The following NGEF variants were observed in gnomAD, a reference collection of about 807,000 sequenced individuals.
NGEF encodes the protein ephexin-1.
Under a neutral mutation model 80.9 loss-of-function variants are expected in NGEF, and 31 were observed. The ratio of observed to expected loss-of-function variants is 0.38; its 90% CI spans 0.29 to 0.52. NGEF has a LOEUF of 0.52. Among genes scored for constraint, NGEF ranks in the 20% least tolerant of loss-of-function variants. NGEF has a pLI of 0.84. For missense variants in NGEF, 709 were observed against 926.2 expected (o/e 0.77, Z 3.04); for synonymous variants, 371 against 370.2 (o/e 1.00, Z -0.03).
chr2:232,909,864 G>A (rs914182737), intron 5 of NGEF, among the ~76,000 whole-genome samples: 6 of 152,234 alleles, frequency 3.9e-5, no homozygotes, highest in South Asian at 2.1e-4. Context: ...GAAATGGAAC[G>A]ACACAGTATG....
At chr2:232,994,446 G>A (rs573713704) in intron 1 of NGEF, among the ~76,000 whole-genome samples, 139 of 151,952 alleles carry the variant, frequency 9.1e-4, no homozygotes, top group African/African-American at 2.7e-3. Flanking sequence ...TAACAGTTGG[G>A]GAAAAATGTC....
Position 232,992,988 on chromosome 2 carries a change from A to AAT in NGEF, c.-74-18025_-74-18024insAT, listed in dbSNP as rs1694680079. 9.9e-5 allele frequency among the ~76,000 whole-genome samples: 9 copies of AAT among 90,938 alleles called. No homozygotes were observed. The South Asian group carries it at 2.3e-3, about 23-fold the overall frequency. The allele number at this position is 90,938 out of a possible 152,430, so 59.7% of individuals were successfully genotyped here. ...GGTGATAGAGCGAGACCCTGCCTGA[A>AAT]GTATATATATATATATACACACACA... On this transcript the variant is annotated intron_variant, in intron 1 of 14. Coordinates refer to ENST00000264051, the MANE Select transcript of NGEF (RefSeq NM_019850.3).
intron 5 of NGEF, among the ~76,000 whole-genome samples, chr2:232,907,321 G>A (rs1283754226): frequency 1.3e-5 from 2 of 151,920 alleles, no homozygotes; most frequent in East Asian, 1.9e-4. Flanking sequence ...AATTCAGCAC[G>A]ACCTGCTGCT....
At chr2:232,950,426 T>C (rs1045364596) in intron 3 of NGEF, among the ~76,000 whole-genome samples, 2 of 152,240 alleles carry the variant, frequency 1.3e-5, no homozygotes, top group Non-Finnish European at 2.9e-5. Flanking sequence ...TGATAGGTGC[T>C]GAGTGTGGCA....
intron 7 of NGEF, 49 bp from the exon 8 acceptor site, chr2:232,891,536 A>G (rs199887923): frequency 7.6e-5 from 120 of 1,575,764 alleles, no homozygotes; most frequent in Admixed American, 4.1e-4. Context: ...AGGAGGCATG[A>G]ACTGGAGACT....
rs775437768 is a variant in NGEF at position 232,970,254 on chromosome 2, T to G, written c.343A>C (p.Arg115=). The G allele has an allele frequency of 7.5e-6, 12 of 1,603,182 alleles. No homozygotes were observed. In the African/African-American group the frequency reaches 1.6e-4, roughly 22 times the overall value. ...NIPWSRMPPC[R]TAMQTDPGAQ... Reference sequence around the variant, plus strand: ...CCTGGGTCTGTCTGCATTGCTGTTCTGCAAGGAGGCATTCTGCTCCAGGGG... The same window carrying G: ...CCTGGGTCTGTCTGCATTGCTGTTCGGCAAGGAGGCATTCTGCTCCAGGGG... The change falls in exon 3 of 15, where the codon AGA becomes CGA. Residue 115 remains arginine (R), a synonymous_variant. Coordinates refer to ENST00000264051, the MANE Select transcript of NGEF (RefSeq NM_019850.3).
chr2:233,012,069 T>A (rs1279037604), intron 1 of NGEF, among the ~76,000 whole-genome samples: 2 of 150,182 alleles, frequency 1.3e-5, no homozygotes, highest in South Asian at 2.1e-4. Flanking sequence ...GAAGCCTAAA[T>A]GGAAAAAGAG....
rs546378470 is a variant in NGEF at position 232,892,193 on chromosome 2, A to G, written c.1142+705T>C. On this transcript the variant is annotated intron_variant, in intron 7 of 14. Transcript: ENST00000264051. The surrounding 1 kb of genome is among the most constrained non-coding windows in gnomAD (Gnocchi z 4.0). ...CCAATTTTCCTTCACCAACTGTTAAAACATCCAAATGCCCAAAGACTCAGG... is the reference window on the plus strand; with the variant it reads ...CCAATTTTCCTTCACCAACTGTTAAGACATCCAAATGCCCAAAGACTCAGG... Among the ~76,000 whole-genome samples the G allele has an allele frequency of 2.0e-5, 3 of 152,140 alleles. No individual in the cohort carries two copies. In the South Asian group the frequency reaches 6.2e-4, roughly 32 times the overall value.
At chr2:233,004,753 C>T (rs1053712362) in intron 1 of NGEF, among the ~76,000 whole-genome samples, 8 of 151,986 alleles carry the variant, frequency 5.3e-5, no homozygotes, top group East Asian at 3.9e-4. Context: ...CACCCCCCAT[C>T]GCTGAGAATC....
intron 1 of NGEF, among the ~76,000 whole-genome samples, chr2:232,993,097 A>AT (rs1559238170): frequency 4.4e-5 from 2 of 45,578 alleles, no homozygotes; most frequent in African/African-American, 1.5e-4. Flanking sequence ...ATATATATAT[A>AT]AATAAATAAA....
chr2:233,009,883 C>T lies in NGEF; in HGVS notation c.-75+3185G>A, dbSNP rs567824716. Among the ~76,000 whole-genome samples the T allele has an allele frequency of 9.2e-5, 14 of 152,256 alleles. No individual in the cohort carries two copies. In the South Asian group the frequency reaches 2.7e-3, roughly 29 times the overall value. On this transcript the variant is annotated intron_variant, in intron 1 of 14. Coordinates refer to ENST00000264051, the MANE Select transcript of NGEF (RefSeq NM_019850.3). Reference sequence around the variant, plus strand: ...GGTTGGGCCATCCCCTCCACCTTCCCTCCACTCCACCTGTCCTGTCTCTCT... The same window carrying T: ...GGTTGGGCCATCCCCTCCACCTTCCTTCCACTCCACCTGTCCTGTCTCTCT...
chr2:232,952,327 C>T (rs1233795830), intron 3 of NGEF, among the ~76,000 whole-genome samples: 1 of 152,206 alleles, frequency 6.6e-6, no homozygotes, highest in African/African-American at 2.4e-5. Context: ...TGGCAAGAAC[C>T]ATTTTAAATG....
At chr2:232,938,417 CTTGTGTGTTT>C (rs1475113539) in intron 3 of NGEF, among the ~76,000 whole-genome samples, 1 of 152,104 alleles carries the variant, frequency 6.6e-6, no homozygotes, top group Non-Finnish European at 1.5e-5. Context: ...TGCTGCGATG[CTTGTGTGTTT>C]ATCTGAAACT....
intron 3 of NGEF, among the ~76,000 whole-genome samples, chr2:232,956,382 T>G (rs1046611300): frequency 2.7e-5 from 4 of 150,784 alleles, no homozygotes; most frequent in Non-Finnish European, 5.9e-5. Context: ...AGAAAAAGAT[T>G]TGGCTGCAAT....
intron 5 of NGEF, among the ~76,000 whole-genome samples, chr2:232,899,798 A>T (rs1311121863): frequency 1.4e-5 from 2 of 147,276 alleles, no homozygotes; most frequent in African/African-American, 5.0e-5. Flanking sequence ...ACATTCACTC[A>T]CACACACGCT....
At chr2:232,953,110 T>C (rs1272493518) in intron 3 of NGEF, among the ~76,000 whole-genome samples, 1 of 151,284 alleles carries the variant, frequency 6.6e-6, no homozygotes, top group Non-Finnish European at 1.5e-5. Context: ...GAGACCAGCC[T>C]GACCAAGATG....
intron 5 of NGEF, among the ~76,000 whole-genome samples, chr2:232,899,669 T>TACAC (rs1692217966): frequency 1.7e-5 from 1 of 57,296 alleles, no homozygotes; most frequent in African/African-American, 7.4e-5. Flanking sequence ...CACTCACACA[T>TACAC]GCTCTCACAG....
In NGEF at chr2:232,970,233, G is replaced by GGTCT. The variant is rs750773319; in HGVS notation, c.360_363dup (p.Pro122ArgfsTer9). 6.3e-6 allele frequency: 10 copies of GGTCT among 1,592,136 alleles called. No individual in the cohort carries two copies. Among genetic ancestry groups the GGTCT allele is most frequent in the Middle Eastern group, 3.4e-4 (2 of 5,830 alleles). On this transcript the variant is annotated frameshift_variant, in exon 3 of 15. Transcript: ENST00000264051. LOFTEE classifies it high-confidence loss of function. The stretch of plus-strand genomic sequence containing the variant: ...TCTTACCTCATTTCCTGGGCTCCTG[G>GGTCT]GTCTGTCTGCATTGCTGTTCTGCAA...
chr2:232,944,726 A>AACATATATATAT (rs988760226), intron 3 of NGEF, among the ~76,000 whole-genome samples: 2 of 108,748 alleles, frequency 1.8e-5, no homozygotes, highest in Admixed American at 1.9e-4. Flanking sequence ...GACTTTTCCG[A>AACATATATATAT]ATATATATAT....
Sources: allele counts gnomAD v4.1 joint callset (sites outside exome capture counted in the v4.1 genomes callset), GRCh38; gene constraint gnomAD v4.1.1; non-coding constraint Gnocchi (gnomAD v3.1); transcripts MANE v1.5; gene names NCBI Gene and HGNC (gene_info 2026-07-23, HGNC 2026-07-21).